RAB3GAP1: variants seen among roughly 807,000 people sequenced by gnomAD.
RAB3GAP1 encodes the protein rab3 GTPase-activating protein catalytic subunit.
In RAB3GAP1, 86 loss-of-function variants were observed where a neutral mutation model predicts 130.7. That is an observed-to-expected ratio of 0.66 (90% CI 0.55 to 0.79). The LOEUF (loss-of-function observed/expected upper bound fraction) is 0.79, where lower values mean the gene tolerates loss of function less well. RAB3GAP1 is among the 30% of genes least tolerant of loss of function. RAB3GAP1 has a pLI of 0.00. For synonymous variants in RAB3GAP1, 367 were observed against 401.7 expected (o/e 0.91, Z 1.03); for missense variants, 1,029 against 1,169.4 (o/e 0.88, Z 1.75).
chr2:135,163,263 C>T (rs1482275700), intron 22 of RAB3GAP1, among the ~76,000 whole-genome samples, 162 bp downstream of exon 22: 3 of 152,212 alleles, frequency 2.0e-5, no homozygotes, highest in African/African-American at 7.2e-5. Flanking sequence ...CATTTGACCT[C>T]TCCCGTATTT....
chr2:135,167,777 G>C, intron 23 of RAB3GAP1: 2 of 1,351,136 alleles, frequency 1.5e-6, no homozygotes, highest in East Asian at 5.2e-5. Flanking sequence ...ATTTCATAAG[G>C]TCATTAACAC....
At chr2:135,153,926 T>A (rs763407474) in intron 19 of RAB3GAP1, 50 bp downstream of exon 19, 1 of 1,537,478 alleles carries the variant, frequency 6.5e-7, no homozygotes, top group African/African-American at 1.4e-5. Flanking sequence ...ACTGTTCTTA[T>A]GATTTAGGAA....
At chr2:135,117,762 TCTGCTGCTTCTTCTG>T in intron 7 of RAB3GAP1, among the ~76,000 whole-genome samples, 1 of 143,900 alleles carries the variant, frequency 6.9e-6, no homozygotes, top group African/African-American at 2.6e-5. Context: ...TTCTGCTTCT[TCTGCTGCTTCTTCTG>T]CTTCTTCTGC....
At chr2:135,112,724 A>C (rs1216968467) in intron 5 of RAB3GAP1, among the ~76,000 whole-genome samples, 2 of 152,120 alleles carry the variant, frequency 1.3e-5, no homozygotes, top group Non-Finnish European at 2.9e-5. Context: ...CAGTGGTCTT[A>C]TGAATACACC....
At chr2:135,121,957 G>A (rs1691213623) in intron 8 of RAB3GAP1, among the ~76,000 whole-genome samples, 1 of 152,106 alleles carries the variant, frequency 6.6e-6, no homozygotes, top group Non-Finnish European at 1.5e-5. Context: ...GCCAGGTGCA[G>A]TGGCAGGAGC....
chr2:135,162,392 G>A (rs1324966938), intron 19 of RAB3GAP1, 163 bp from the exon 20 acceptor site: 1 of 690,342 alleles, frequency 1.4e-6, no homozygotes, highest in African/African-American at 1.8e-5. Context: ...GTTCTTAGGT[G>A]CTTTCAGTAA....
chr2:135,135,813 A>G lies in RAB3GAP1; in HGVS notation c.1804A>G (p.Ser602Gly). ...AGAACTTAAAGGAAATGGACAAGAG[A>G]GTGGCAAGAAAGGAGGACCTAAGGA... ...TEELKGNGQESGKKGGPKEMA... is the reference protein window; with the variant it reads ...TEELKGNGQEGGKKGGPKEMA... The change falls in exon 17 of 24, where the codon AGT becomes GGT. Residue 602 changes from serine (S) to glycine (G), a missense_variant. Coordinates refer to ENST00000264158, the MANE Select transcript of RAB3GAP1 (RefSeq NM_012233.3). The G allele has an allele frequency of 6.2e-7, 1 of 1,614,178 alleles. No homozygotes were observed. The highest frequency in any genetic ancestry group is 8.5e-7 in the Non-Finnish European group (1 of 1,180,034).
rs748511784 is a variant in RAB3GAP1, at chr2:135,168,750, G to A, written c.2915G>A (p.Gly972Asp). The stretch of plus-strand genomic sequence containing the variant: ...ACCAAAGAGGACTTTAGACTTGCAG[G>A]TGCCTTTTCATCAGATACTTCCTTC... ...VLTKEDFRLAGAFSSDTSFF is the reference protein window; with the variant it reads ...VLTKEDFRLADAFSSDTSFF Residue 972 changes from glycine to aspartate, a missense_variant, in exon 24 of 24, where the codon GGT becomes GAT. Gly to Asp is a moderately conservative substitution (Grantham distance 94). This residue lies in a region of RAB3GAP1 where 146 missense variants were observed against 143.7 expected (regional missense o/e 1.02). Transcript: ENST00000264158. 3 of 1,614,000 alleles carry A rather than the reference G, an allele frequency of 1.9e-6. No homozygotes were observed. The highest frequency in any genetic ancestry group is 2.5e-6 in the Non-Finnish European group (3 of 1,179,980).
downstream of RAB3GAP1, among the ~76,000 whole-genome samples, chr2:135,172,541 C>T (rs1310819161): frequency 6.6e-6 from 1 of 152,090 alleles, no homozygotes. Flanking sequence ...GCACTCTGGA[C>T]TGGTGTGGTA....
At chr2:135,167,393 T>G (rs1176061464) in intron 23 of RAB3GAP1, among the ~76,000 whole-genome samples, 2 of 151,576 alleles carry the variant, frequency 1.3e-5, no homozygotes, top group Non-Finnish European at 2.9e-5. Context: ...TTTTTTTTTT[T>G]GCATCATAAT....
chr2:135,071,545 A>G (rs1408830014), intron 3 of RAB3GAP1, among the ~76,000 whole-genome samples: 1 of 152,036 alleles, frequency 6.6e-6, no homozygotes. Flanking sequence ...AAAAAAAAAA[A>G]AGAATTATTA....
intron 3 of RAB3GAP1, among the ~76,000 whole-genome samples, chr2:135,071,779 G>T (rs1269964311): frequency 2.0e-5 from 3 of 152,126 alleles, no homozygotes; most frequent in Non-Finnish European, 4.4e-5. Flanking sequence ...GAGGGTAGAG[G>T]TCTCATCTCC....
At chr2:135,109,872 G>A (rs533770180) in intron 5 of RAB3GAP1, among the ~76,000 whole-genome samples, 6 of 151,936 alleles carry the variant, frequency 3.9e-5, no homozygotes, top group African/African-American at 9.7e-5. Context: ...GTGAGCCACC[G>A]CTCCCGGCCT....
chr2:135,153,862 C>T lies in RAB3GAP1; in HGVS notation c.2275C>T (p.Arg759Trp), dbSNP rs748968368. 8 of 1,613,548 alleles carry T rather than the reference C, an allele frequency of 5.0e-6. No individual in the cohort carries two copies. Among genetic ancestry groups the T allele is most frequent in the Admixed American group, 1.7e-5 (1 of 59,996 alleles). The change falls in exon 19 of 24, where the codon CGG becomes TGG. Residue 759 changes from arginine to tryptophan, a missense_variant. Arg to Trp is a moderately radical substitution (Grantham distance 101). Around this residue, in one of 3 missense-constraint regions of RAB3GAP1, gnomAD observed 373 missense variants for 493.6 expected, o/e 0.76. Transcript: ENST00000264158. ...GCAAAGGAGACTCTTTGATGATACA[C>T]GGGAAGCAGAAAAGGTAATTGAGGT... Reference protein sequence around the residue: ...RRQRRLFDDTREAEKVLHYLA... With the variant: ...RRQRRLFDDTWEAEKVLHYLA...
intron 3 of RAB3GAP1, among the ~76,000 whole-genome samples, chr2:135,066,086 A>T (rs1689315889): frequency 6.6e-6 from 1 of 151,938 alleles, no homozygotes; most frequent in African/African-American, 2.4e-5. Context: ...AATTTTTAAG[A>T]GTGTAAGGGT....
chr2:135,082,430 A>G (rs1429798495), intron 3 of RAB3GAP1, among the ~76,000 whole-genome samples: 63 of 151,732 alleles, frequency 4.2e-4, no homozygotes, highest in Non-Finnish European at 5.9e-5. Flanking sequence ...ATGGAATCAT[A>G]TAATACACAC....
At chr2:135,164,921 T>C (rs763683948) in intron 23 of RAB3GAP1, among the ~76,000 whole-genome samples, 1 of 152,172 alleles carries the variant, frequency 6.6e-6, no homozygotes, top group Non-Finnish European at 1.5e-5. Flanking sequence ...ACCTAAATTT[T>C]AAAAATTAGA....
chr2:135,087,919 TGTC>T (rs1320795881), intron 3 of RAB3GAP1, among the ~76,000 whole-genome samples: 2 of 152,222 alleles, frequency 1.3e-5, no homozygotes, highest in Non-Finnish European at 2.9e-5. Flanking sequence ...GAACTAGAAT[TGTC>T]ATTTCGGTTC....
intron 17 of RAB3GAP1, among the ~76,000 whole-genome samples, chr2:135,137,800 T>C (rs1691714978): frequency 6.6e-6 from 1 of 152,000 alleles, no homozygotes; most frequent in Non-Finnish European, 1.5e-5. Flanking sequence ...GCAATAGTTG[T>C]TTTTAAGGGT....
Sources: allele counts gnomAD v4.1 joint callset (sites outside exome capture counted in the v4.1 genomes callset), GRCh38; gene constraint gnomAD v4.1.1; regional missense constraint gnomAD v4.1.1; transcripts MANE v1.5; gene names NCBI Gene and HGNC (gene_info 2026-07-23, HGNC 2026-07-21).